Variants in INSR observed in about 807,000 individuals in gnomAD.
The protein encoded by INSR is insulin receptor.
In INSR, 67 loss-of-function variants were observed where a neutral mutation model predicts 142.6. That is an observed-to-expected ratio of 0.47 (90% CI 0.39 to 0.58). The LOEUF (loss-of-function observed/expected upper bound fraction) is 0.58. Ranked by LOEUF, INSR falls within the 20% of genes least tolerant of loss-of-function variation. INSR has a pLI of 0.00. For missense variants in INSR, 1,248 were observed against 1,833.2 expected, an observed-to-expected ratio of 0.68 and a Z score of 5.83; for synonymous variants, 756 against 743.1, an observed-to-expected ratio of 1.02 and a Z score of -0.28.
chr19:7,194,398 C>T (rs974504789), intron 2 of INSR, among the ~76,000 whole-genome samples: 1 of 143,316 alleles, frequency 7.0e-6, no homozygotes, highest in Non-Finnish European at 1.5e-5. Context: ...GCCTGGACGA[C>T]AGAATGAGAC....
At chr19:7,156,891 C>T (rs770464481) in intron 9 of INSR, among the ~76,000 whole-genome samples, 49 of 149,554 alleles carry the variant, frequency 3.3e-4, no homozygotes, top group Middle Eastern at 6.9e-3. Flanking sequence ...TGGGTTCAAG[C>T]GATTCTCCTG....
chr19:7,179,366 A>T (rs1974217900), intron 3 of INSR, among the ~76,000 whole-genome samples: 2 of 152,200 alleles, frequency 1.3e-5, no homozygotes, highest in South Asian at 4.1e-4. Context: ...AATCTCATGG[A>T]GGGCTGAGCC....
rs1968580069 is a variant in INSR at position 7,294,252 on chromosome 19, G to C, written c.-361C>G. 6.6e-6 allele frequency among the ~76,000 whole-genome samples: 1 copy of C among 151,004 alleles called. No individual in the cohort carries two copies. Among genetic ancestry groups the C allele is most frequent in the African/African-American group, 2.4e-5 (1 of 41,224 alleles). ...TCTGGGTCGCGATCTGCGGGCTCCG[G>C]GACAGAGGGACGCGCGGACCGACGG... is the stretch of plus-strand genomic sequence containing the variant. On this transcript the variant is annotated 5_prime_UTR_variant, in exon 1 of 22. Transcript: ENST00000302850.
At chr19:7,197,574 T>C (rs113034268) in intron 2 of INSR, among the ~76,000 whole-genome samples, 6 of 13,370 alleles carry the variant, frequency 4.5e-4, no homozygotes, top group African/African-American at 1.5e-3. Flanking sequence ...GTGTGTGTGT[T>C]TGGGTGTGTG....
intron 3 of INSR, among the ~76,000 whole-genome samples, chr19:7,180,655 T>C (rs1044525517): frequency 6.6e-6 from 1 of 152,066 alleles, no homozygotes; most frequent in Non-Finnish European, 1.5e-5. Flanking sequence ...AGGTGACTTT[T>C]AAGCTGCCAT....
intron 1 of INSR, among the ~76,000 whole-genome samples, chr19:7,270,752 C>T (rs1568231378): frequency 6.9e-6 from 1 of 145,342 alleles, no homozygotes; most frequent in South Asian, 2.2e-4. Flanking sequence ...AGTGAGACCT[C>T]GTCTCGATTA....
At chr19:7,274,369 G>A (rs2145224034) in intron 1 of INSR, among the ~76,000 whole-genome samples, 1 of 151,962 alleles carries the variant, frequency 6.6e-6, no homozygotes, top group South Asian at 2.1e-4. Context: ...AACAGGACAT[G>A]GACTGCTACT....
At chr19:7,266,605 G>C (rs916819427) in intron 2 of INSR, among the ~76,000 whole-genome samples, 1 of 151,910 alleles carries the variant, frequency 6.6e-6, no homozygotes, top group Non-Finnish European at 1.5e-5. Context: ...GGTTGGTCTC[G>C]AACTCCTGAC....
intron 2 of INSR, among the ~76,000 whole-genome samples, chr19:7,197,577 G>GGGGT (rs1568480432): frequency 1.8e-5 from 1 of 56,050 alleles, no homozygotes; most frequent in Admixed American, 1.7e-4. Flanking sequence ...TGTGTGTTTG[G>GGGGT]GTGTGTGTGT....
rs558088180 is a variant in INSR, at chr19:7,272,958, C to A, written c.101-5062G>T. Reference sequence around the variant, plus strand: ...TCCGAAAGAGGCAAATCCATAGAGACAGAAAATAGATTCGTGGCTGCCAAG... The same window carrying A: ...TCCGAAAGAGGCAAATCCATAGAGAAAGAAAATAGATTCGTGGCTGCCAAG... On this transcript the variant is annotated intron_variant, in intron 1 of 21. Coordinates refer to ENST00000302850, the MANE Select transcript of INSR (RefSeq NM_000208.4). Among the ~76,000 whole-genome samples the A allele has an allele frequency of 2.6e-5, 4 of 152,256 alleles. No individual in the cohort carries two copies. The South Asian group carries it at 8.3e-4, about 32-fold the overall frequency.
chr19:7,176,931 G>A (rs1456836353), intron 3 of INSR, among the ~76,000 whole-genome samples: 1 of 152,156 alleles, frequency 6.6e-6, no homozygotes, highest in Non-Finnish European at 1.5e-5. Flanking sequence ...AATTCAACCT[G>A]CTACTCCAAG....
intron 5 of INSR, 41 bp from the exon 6 acceptor site, chr19:7,170,792 T>C: frequency 6.7e-7 from 1 of 1,486,884 alleles, no homozygotes; most frequent in Non-Finnish European, 9.4e-7. Flanking sequence ...CAACGGCTGG[T>C]CTTCTACAAC....
At chr19:7,136,848 T>TATATATATA (rs71177159) in intron 13 of INSR, among the ~76,000 whole-genome samples, 2 of 143,092 alleles carry the variant, frequency 1.4e-5, no homozygotes, top group African/African-American at 2.6e-5. Flanking sequence ...TATATATATA[T>TATATATATA]TGAGATGGTG....
intron 17 of INSR, among the ~76,000 whole-genome samples, chr19:7,123,884 C>T (rs1972555532): frequency 6.6e-6 from 1 of 151,852 alleles, no homozygotes. Context: ...GATTGTGCCA[C>T]TGCACTCCAC....
At position 7,115,663 on chromosome 19, in the gene INSR, G is replaced by C. The variant is rs1972306299; in HGVS notation, c.*1393C>G. The C allele has an allele frequency of 2.6e-5, 4 of 152,196 alleles. No individual in the cohort carries two copies. Among genetic ancestry groups the C allele is most frequent in the Admixed American group, 2.6e-4 (4 of 15,266 alleles). The allele number at this position is 152,196 out of a possible 1,614,324, so 9.4% of individuals were successfully genotyped here. A position where few individuals can be genotyped will look rare whatever the true frequency, so the allele number is the denominator to read the frequency against. On this transcript the variant is annotated 3_prime_UTR_variant, in exon 22 of 22. Transcript: ENST00000302850. ...GGTTAGGATGTTCACACCCGGGAGAGGAAACGCCACAAGAGGTACACACAG... is the reference window on the plus strand; with the variant it reads ...GGTTAGGATGTTCACACCCGGGAGACGAAACGCCACAAGAGGTACACACAG...
chr19:7,253,164 T>C (rs1188056299), intron 2 of INSR, among the ~76,000 whole-genome samples: 3 of 151,560 alleles, frequency 2.0e-5, no homozygotes, highest in Non-Finnish European at 4.4e-5. Flanking sequence ...ACCCTCTAGG[T>C]AGGTACTTGA....
At position 7,267,860 on chromosome 19, in the gene INSR, CTAGTG is replaced by C. The variant is rs1568229382; in HGVS notation, c.132_136del (p.Thr45ValfsTer3). 1 of 1,614,030 alleles carries C rather than the reference CTAGTG, an allele frequency of 6.2e-7. No homozygotes were observed. Among genetic ancestry groups the C allele is most frequent in the Admixed American group, 1.7e-5 (1 of 59,992 alleles). Reference sequence around the variant, plus strand: ...AGAGCAATTCTCCAGCTCATGCAACCTAGTGAGGTTGTTCCGGATATCCATGCCGG... The same window carrying C: ...AGAGCAATTCTCCAGCTCATGCAACCAGGTTGTTCCGGATATCCATGCCGG... On this transcript the variant is annotated frameshift_variant, in exon 2 of 22. Coordinates refer to ENST00000302850, the MANE Select transcript of INSR (RefSeq NM_000208.4). LOFTEE classifies it high-confidence loss of function. The surrounding 1 kb of genome is among the most constrained non-coding windows in gnomAD (Gnocchi z 6.3).
chr19:7,148,324 A>G (rs551173386), intron 11 of INSR, among the ~76,000 whole-genome samples: 70 of 152,030 alleles, frequency 4.6e-4, no homozygotes, highest in Non-Finnish European at 9.0e-4. Flanking sequence ...ATGTCTGAAG[A>G]TATTTTTGGT....
At chr19:7,178,611 C>G (rs902873470) in intron 3 of INSR, among the ~76,000 whole-genome samples, 5 of 151,942 alleles carry the variant, frequency 3.3e-5, no homozygotes, top group African/African-American at 1.2e-4. Flanking sequence ...CCCAGCTACT[C>G]GGGGGGCTGA....
Sources: allele counts gnomAD v4.1 joint callset (sites outside exome capture counted in the v4.1 genomes callset), GRCh38; gene constraint gnomAD v4.1.1; non-coding constraint Gnocchi (gnomAD v3.1); transcripts MANE v1.5; gene names NCBI Gene and HGNC (gene_info 2026-07-23, HGNC 2026-07-21).